NBPF9: variants seen among roughly 807,000 people sequenced by gnomAD.
NBPF9 encodes the protein NBPF member 9.
Under a neutral mutation model 97.8 loss-of-function variants are expected in NBPF9, and 91 were observed. The ratio of observed to expected loss-of-function variants is 0.93; its 90% CI spans 0.79 to 1.11. NBPF9 has a LOEUF of 1.11. Among genes scored for constraint, NBPF9 ranks in the 50% least tolerant of loss-of-function variants. NBPF9 has a pLI of 0.00. For synonymous variants in NBPF9, 334 were observed against 359.5 expected (o/e 0.93, Z 0.80); for missense variants, 992 against 939.5 (o/e 1.06, Z -0.73).
chr1:149,082,233 T>A, intron 6 of NBPF9, 39 bp downstream of exon 6: 2 of 1,320,292 alleles, frequency 1.5e-6, no homozygotes, highest in Non-Finnish European at 2.2e-6. Context: ...CAAATAGGTT[T>A]AATCAGGACT....
intron 12 of NBPF9, among the ~76,000 whole-genome samples, chr1:149,074,658 G>A (rs1354119336): frequency 2.6e-5 from 4 of 151,158 alleles, no homozygotes; most frequent in South Asian, 2.1e-4. Flanking sequence ...ACAGGCCCAC[G>A]GTCCCTGCTC....
exon 26 of NBPF9, chr1:149,058,987 G>A: frequency 2.4e-6 from 1 of 409,936 alleles, no homozygotes; most frequent in East Asian, 3.0e-5. Context: ...ACTGCTGTAG[G>A]GCTGGCCTAA....
intron 25 of NBPF9, chr1:149,059,327 G>T: frequency 2.1e-6 from 1 of 474,506 alleles, no homozygotes; most frequent in Admixed American, 3.2e-5. Flanking sequence ...AAGTGACCTA[G>T]TGAATTGGCC....
At position 149,055,245 on chromosome 1, in the gene NBPF9, C is replaced by A. The variant is rs587598560; in HGVS notation, c.*411G>T. 2.0e-5 allele frequency: 6 copies of A among 299,318 alleles called. No homozygotes were observed. The East Asian group carries it at 3.6e-4, about 18-fold the overall frequency. 18.5% of individuals were successfully genotyped at this position (299,318 alleles called of 1,614,324 possible). A position where few individuals can be genotyped will look rare whatever the true frequency, so the allele number is the denominator to read the frequency against. ...CTAAAACAAGCCAACACTGAAGACACGAAGAATGAGGTTAGGTTCATTGAA... is the reference window on the plus strand; with the variant it reads ...CTAAAACAAGCCAACACTGAAGACAAGAAGAATGAGGTTAGGTTCATTGAA... On this transcript the variant is annotated 3_prime_UTR_variant, in exon 30 of 30. Coordinates refer to ENST00000584027, the Ensembl canonical transcript of NBPF9.
chr1:149,074,174 C>G (rs1488653532), intron 12 of NBPF9, among the ~76,000 whole-genome samples: 2 of 151,436 alleles, frequency 1.3e-5, no homozygotes, highest in Non-Finnish European at 3.0e-5. Flanking sequence ...TGCGGGGCCA[C>G]TTTCCCAAGC....
intron 25 of NBPF9, 59 bp downstream of exon 25, chr1:149,059,641 G>C (rs1206955929): frequency 1.8e-6 from 1 of 550,356 alleles, no homozygotes; most frequent in East Asian, 2.6e-5. Context: ...TGGTTTCCCT[G>C]AATCTGTTGC....
chr1:149,097,674 T>A (rs1401503528), intron 4 of NBPF9, among the ~76,000 whole-genome samples: 1 of 152,008 alleles, frequency 6.6e-6, no homozygotes, highest in African/African-American at 2.4e-5. Flanking sequence ...TTTCTCCCCC[T>A]CTCAATGCCT....
At chr1:149,090,686 C>G (rs1193596418) in intron 5 of NBPF9, 67 bp downstream of exon 5, 155 of 550,840 alleles carry the variant, frequency 2.8e-4, no homozygotes, top group Non-Finnish European at 4.4e-4. Context: ...AAATAAAGGA[C>G]CCATCTCTGC....
chr1:149,082,569 C>T, intron 5 of NBPF9, 139 bp from the exon 6 acceptor site: 2 of 555,802 alleles, frequency 3.6e-6, no homozygotes, highest in South Asian at 4.3e-5. Flanking sequence ...ATCATTCCTT[C>T]AGCATTCACT....
At chr1:149,074,068 A>C (rs2079642488) in intron 12 of NBPF9, among the ~76,000 whole-genome samples, 198 bp from the exon 13 acceptor site, 1 of 150,978 alleles carries the variant, frequency 6.6e-6, no homozygotes, top group South Asian at 2.1e-4. Context: ...AAGACGAAGA[A>C]AGAGAACCTC....
chr1:149,068,493 C>A lies in NBPF9; in HGVS notation c.1637+1101G>T, dbSNP rs1251698373. Among the ~76,000 whole-genome samples the A allele has an allele frequency of 3.3e-5, 5 of 149,840 alleles. 2 individuals are homozygous for A. The highest frequency in any genetic ancestry group is 1.2e-4 in the African/African-American group (5 of 40,390). On this transcript the variant is annotated intron_variant, in intron 17 of 29. Coordinates refer to ENST00000584027, the Ensembl canonical transcript of NBPF9. ...GTTGCAATCCTAGTCTCTGATAAAA[C>A]AGACTTTAAACCAACAAAGATCAAA...
intron 21 of NBPF9, among the ~76,000 whole-genome samples, chr1:149,062,591 G>A (rs1282253775): frequency 7.3e-6 from 1 of 137,178 alleles, no homozygotes; most frequent in Non-Finnish European, 1.6e-5. Flanking sequence ...GAAAAGAGTG[G>A]GCTCAATAAT....
chr1:149,075,151 G>A (rs1337600858), intron 12 of NBPF9, among the ~76,000 whole-genome samples: 1 of 151,612 alleles, frequency 6.6e-6, no homozygotes, highest in African/African-American at 2.4e-5. Flanking sequence ...AGACAGCACA[G>A]GTTCTATTAG....
chr1:149,080,980 T>C (rs1214962528), intron 7 of NBPF9, among the ~76,000 whole-genome samples: 10 of 151,568 alleles, frequency 6.6e-5, no homozygotes, highest in Admixed American at 1.3e-4. Flanking sequence ...GGGTCCCTGC[T>C]TTGCACACTG....
At chr1:149,070,934 C>G (rs2079355911) in exon 16 of NBPF9, 17 of 1,612,260 alleles carry the variant, frequency 1.1e-5, no homozygotes, top group Non-Finnish European at 1.3e-5. Flanking sequence ...CAGAGGCTAC[C>G]TGGAATAATG....
chr1:149,068,214 T>G (rs1303858496), intron 17 of NBPF9, among the ~76,000 whole-genome samples: 1 of 148,790 alleles, frequency 6.7e-6, no homozygotes, highest in African/African-American at 2.5e-5. Flanking sequence ...AGAAACTGCA[T>G]CAACTAACGG....
intron 7 of NBPF9, among the ~76,000 whole-genome samples, chr1:149,080,447 A>T (rs1213802145): frequency 6.6e-6 from 1 of 150,942 alleles, no homozygotes; most frequent in African/African-American, 2.4e-5. Flanking sequence ...TCTGACTCTG[A>T]ATGCGGGGCC....
At position 149,058,850 on chromosome 1, in the gene NBPF9, C is replaced by T. The variant is rs1166780023; in HGVS notation, c.2758+75G>A. ...ATGACATCTCTCAGGTCAGTAAGGGCCACTTGGAACAGGAATATCACCCCT... is the reference window on the plus strand; with the variant it reads ...ATGACATCTCTCAGGTCAGTAAGGGTCACTTGGAACAGGAATATCACCCCT... On this transcript the variant is annotated intron_variant, in intron 26 of 29. Transcript: ENST00000584027. 6 of 701,540 alleles carry T rather than the reference C, an allele frequency of 8.6e-6. No individual in the cohort carries two copies. The Middle Eastern group carries it at 1.5e-3, about 179-fold the overall frequency. 43.5% of individuals were successfully genotyped at this position (701,540 alleles called of 1,614,324 possible).
Position 149,064,934 on chromosome 1 carries a change from A to G in NBPF9, c.1802-452T>C, listed in dbSNP as rs1428028813. 7.5e-6 allele frequency: 4 copies of G among 535,112 alleles called. No individual in the cohort carries two copies. In the African/African-American group the frequency reaches 7.7e-5, roughly 10 times the overall value. The allele number at this position is 535,112 out of a possible 1,614,324, so 33.1% of individuals were successfully genotyped here. A position where few individuals can be genotyped will look rare whatever the true frequency, so the allele number is the denominator to read the frequency against. On this transcript the variant is annotated intron_variant, in intron 18 of 29. Transcript: ENST00000584027. ...AAAATGTAACTTGGTTCTACACAGT[A>G]GCATCAGCTATTATGGCTTTTGTGG...
Sources: gnomAD v4.1 joint callset for allele counts (sites outside exome capture counted in the v4.1 genomes callset) on GRCh38, gnomAD v4.1.1 for gene constraint, MANE v1.5 for transcripts, NCBI Gene and HGNC (gene_info 2026-07-23, HGNC 2026-07-21) for gene names.